The following KLHL3 variants were observed in gnomAD, a reference collection of about 807,000 sequenced individuals.
KLHL3 encodes kelch like family member 3.
Under a neutral mutation model 70.5 loss-of-function variants are expected in KLHL3, and 19 were observed. The observed-to-expected ratio is 0.27, with a 90% CI of 0.19 to 0.40. KLHL3 has a LOEUF of 0.40. Ranked by LOEUF, KLHL3 falls within the 10% of genes least tolerant of loss-of-function variation. The pLI is 1.00. For synonymous variants in KLHL3, 258 were observed against 290.3 expected (o/e 0.89, Z 1.13); for missense variants, 512 against 771.1 (o/e 0.66, Z 3.98).
chr5:137,712,156 C>CAAAAAAAAA (rs201519598), intron 2 of KLHL3, among the ~76,000 whole-genome samples: 3 of 74,862 alleles, frequency 4.0e-5, no homozygotes, highest in African/African-American at 1.6e-4. Context: ...AAGATTCTGT[C>CAAAAAAAAA]AAAAAAAAAA....
At chr5:137,667,104 C>A (rs1427262146) in intron 6 of KLHL3, among the ~76,000 whole-genome samples, 1 of 152,210 alleles carries the variant, frequency 6.6e-6, no homozygotes, top group African/African-American at 2.4e-5. Context: ...CAGCCTGCCA[C>A]CTGTTTTGGT....
At chr5:137,683,735 C>T (rs1218500111) in intron 5 of KLHL3, among the ~76,000 whole-genome samples, 2 of 147,084 alleles carry the variant, frequency 1.4e-5, no homozygotes, top group African/African-American at 5.0e-5. Context: ...CTCTCCCTCT[C>T]TTTCTCTCTC....
chr5:137,696,374 G>T (rs1752445250), intron 4 of KLHL3, among the ~76,000 whole-genome samples: 1 of 152,192 alleles, frequency 6.6e-6, no homozygotes, highest in Admixed American at 6.5e-5. Flanking sequence ...TGGCAGAACA[G>T]CACTGTGATT....
chr5:137,665,827 T>C (rs1367756626), intron 6 of KLHL3, among the ~76,000 whole-genome samples: 1 of 151,394 alleles, frequency 6.6e-6, no homozygotes, highest in African/African-American at 2.4e-5. Context: ...AGGCTGGACA[T>C]AACTTGAATT....
chr5:137,634,066 G>A lies in KLHL3; in HGVS notation c.1421C>T (p.Ala474Val), dbSNP rs200144703. The A allele has an allele frequency of 2.9e-5, 47 of 1,614,002 alleles. No homozygotes were observed. The highest frequency in any genetic ancestry group is 5.3e-5 in the African/African-American group (4 of 74,916). The change falls in exon 12 of 15, where the codon GCG (alanine) becomes GTG (valine). Residue 474 changes from alanine (A) to valine (V), a missense_variant. Transcript: ENST00000309755. ...GCCACTGCGGCGGGTGCTCATGTCC[G>A]CCACGTATATCCATTCATTGGTCGC... ...NPATNEWIYV[A>V]DMSTRRSGAG... is the part of the protein sequence containing the mutation.
At chr5:137,709,905 A>G in intron 2 of KLHL3, 49 bp from the exon 3 acceptor site, 1 of 1,417,862 alleles carries the variant, frequency 7.1e-7, no homozygotes, top group Non-Finnish European at 1.0e-6. Flanking sequence ...AAGGACACCT[A>G]CCCTCATCTT....
At position 137,619,282 on chromosome 5, in the gene KLHL3, G is replaced by A. The variant is rs1043421807; in HGVS notation, c.*2816C>T. ...ATTCTTATTGCATAGCAGAAAATGA[G>A]GTCAGTTTTATTTGCATAATACTGC... On this transcript the variant is annotated 3_prime_UTR_variant, in exon 15 of 15. Transcript: ENST00000309755. The A allele has an allele frequency of 1.3e-5, 2 of 152,624 alleles. No homozygotes were observed. Among genetic ancestry groups the A allele is most frequent in the South Asian group, 2.1e-4 (1 of 4,832 alleles). 9.5% of individuals were successfully genotyped at this position (152,624 alleles called of 1,614,324 possible).
At chr5:137,659,123 G>A (rs907458671) in intron 7 of KLHL3, among the ~76,000 whole-genome samples, 1 of 152,224 alleles carries the variant, frequency 6.6e-6, no homozygotes, top group Non-Finnish European at 1.5e-5. Flanking sequence ...GTCTTCTGGG[G>A]CTGCTTTGTG....
At chr5:137,688,344 G>A (rs1037106242) in intron 5 of KLHL3, among the ~76,000 whole-genome samples, 43 of 152,140 alleles carry the variant, frequency 2.8e-4, no homozygotes, top group Admixed American at 1.4e-3. Context: ...AAAAGTAGGA[G>A]GGCCTGCTCA....
intron 8 of KLHL3, among the ~76,000 whole-genome samples, chr5:137,640,603 T>C (rs1347432095): frequency 1.3e-5 from 2 of 152,318 alleles, no homozygotes; most frequent in Middle Eastern, 3.4e-3. Context: ...GTGAGGTAGA[T>C]ATCATCATCC....
intron 1 of KLHL3, among the ~76,000 whole-genome samples, chr5:137,735,282 C>T (rs923453879): frequency 2.6e-5 from 4 of 152,180 alleles, no homozygotes; most frequent in Non-Finnish European, 5.9e-5. Context: ...GGGAAAGGAG[C>T]CAGGAAAGGG....
rs746983315 is a variant in KLHL3, at chr5:137,638,991, T to C, written c.1181A>G (p.Asp394Gly). ...RSTLGAAVLN[D>G]LLYAVGGFDG... ...AAAGCCTCCCACTGCGTAGAGCAAG[T>C]CATTGAGCACCGCTGCGCCCAGTGT... is the stretch of plus-strand genomic sequence containing the variant. The change falls in exon 10 of 15, where the codon GAC (aspartate) becomes GGC (glycine). Residue 394 changes from aspartate (D) to glycine (G), a missense_variant. Asp to Gly is a moderately conservative substitution (Grantham distance 94, BLOSUM62 -1). Transcript: ENST00000309755. 2 of 1,614,172 alleles carry C rather than the reference T, an allele frequency of 1.2e-6. No homozygotes were observed. Among genetic ancestry groups the C allele is most frequent in the Non-Finnish European group, 1.7e-6 (2 of 1,180,026 alleles).
intron 6 of KLHL3, among the ~76,000 whole-genome samples, chr5:137,667,425 A>C (rs1417675425): frequency 6.6e-6 from 1 of 152,224 alleles, no homozygotes; most frequent in Non-Finnish European, 1.5e-5. Context: ...TCACTGATTA[A>C]TGTCCTAGAA....
At chr5:137,732,182 A>T (rs1466828442) in intron 1 of KLHL3, among the ~76,000 whole-genome samples, 1 of 152,144 alleles carries the variant, frequency 6.6e-6, no homozygotes, top group Non-Finnish European at 1.5e-5. Flanking sequence ...TCACACTCAC[A>T]CAGAAACAAT....
intron 1 of KLHL3, chr5:137,720,901 G>T: frequency 9.2e-7 from 1 of 1,091,716 alleles, no homozygotes; most frequent in Non-Finnish European, 1.1e-6. Context: ...CACTTCACAG[G>T]TTTGTTTGTT....
rs769730027 is a variant in KLHL3 at position 137,735,628 on chromosome 5, C to G, written c.14+5G>C. The G allele has an allele frequency of 6.2e-7, 1 of 1,607,274 alleles. No individual in the cohort carries two copies. Among genetic ancestry groups the G allele is most frequent in the East Asian group, 2.2e-5 (1 of 44,854 alleles). On this transcript the variant is annotated splice_donor_5th_base_variant and intron_variant, in intron 1 of 14. Coordinates refer to ENST00000309755, the MANE Select transcript of KLHL3 (RefSeq NM_017415.3). Reference sequence around the variant, plus strand: ...ACAACACAGCACACACTTATACATACATACCTTTCACCCTCCATTGTGTGA... The same window carrying G: ...ACAACACAGCACACACTTATACATAGATACCTTTCACCCTCCATTGTGTGA...
chr5:137,706,019 T>C (rs1306743348), intron 3 of KLHL3: 1 of 985,282 alleles, frequency 1.0e-6, no homozygotes, highest in African/African-American at 1.7e-5. Flanking sequence ...ACTGGTTGGA[T>C]TGGGACACTC....
chr5:137,643,721 A>G (rs923181427), intron 8 of KLHL3, among the ~76,000 whole-genome samples: 12 of 152,142 alleles, frequency 7.9e-5, no homozygotes, highest in African/African-American at 2.9e-4. Context: ...AACACTTATT[A>G]TTTCTTTGTG....
chr5:137,719,305 T>C (rs1752953436), intron 2 of KLHL3, among the ~76,000 whole-genome samples: 1 of 152,266 alleles, frequency 6.6e-6, no homozygotes. Context: ...GCCTAGCCAG[T>C]GCCTCTGGGC....
Sources: allele counts gnomAD v4.1 joint callset (sites outside exome capture counted in the v4.1 genomes callset), GRCh38; gene constraint gnomAD v4.1.1; transcripts MANE v1.5; gene names NCBI Gene and HGNC (gene_info 2026-07-23, HGNC 2026-07-21).